PCDHGB2: variants seen among roughly 807,000 people sequenced by gnomAD.
PCDHGB2 encodes the protein protocadherin gamma-B2.
PCDHGB2 carries 55 observed loss-of-function variants against 59.3 expected under a neutral mutation model. The ratio of observed to expected loss-of-function variants is 0.93; its 90% CI spans 0.75 to 1.16. The LOEUF is 1.16. Among genes scored for constraint, PCDHGB2 ranks in the 50% most tolerant of loss-of-function variants. The pLI, the probability that PCDHGB2 is intolerant of heterozygous loss-of-function variation, is 0.00. For synonymous variants in PCDHGB2, 516 were observed against 512.0 expected (o/e 1.01, Z -0.11); for missense variants, 1,228 against 1,198.5 (o/e 1.02, Z -0.36).
Position 141,505,420 on chromosome 5 carries a change from C to G in PCDHGB2, c.2508C>G (p.Thr836=), listed in dbSNP as rs1236398971. 6.2e-7 allele frequency: 1 copy of G among 1,614,102 alleles called. No individual in the cohort carries two copies. Among genetic ancestry groups the G allele is most frequent in the Non-Finnish European group, 8.5e-7 (1 of 1,180,034 alleles). ...SGSQNGDDTG[T]WPNNQFDTEM... is the part of the protein sequence containing the mutation. ...CCCAAAATGGCGATGACACCGGCACCTGGCCCAACAACCAGTTTGACACAG... is the reference window on the plus strand; with the variant it reads ...CCCAAAATGGCGATGACACCGGCACGTGGCCCAACAACCAGTTTGACACAG... The change falls in exon 3 of 4, where the codon ACC becomes ACG. Residue 836 remains threonine (T), a synonymous_variant. Coordinates refer to ENST00000522605, the MANE Select transcript of PCDHGB2 (RefSeq NM_018923.3).
Position 141,490,486 on chromosome 5 carries a change from G to A in PCDHGB2, c.2422-4321G>A, listed in dbSNP as rs1187388706. The A allele has an allele frequency of 1.2e-6, 2 of 1,614,090 alleles. No individual in the cohort carries two copies. On this transcript the variant is annotated intron_variant, in intron 1 of 3. Transcript: ENST00000522605. The surrounding 1 kb of genome is among the most constrained non-coding windows in gnomAD (Gnocchi z 5.4). ...AACCAGCCAGCCTTTGGACCGGGAG[G>A]CCACATCCCACTATATCATCGAGCT...
intron 1 of PCDHGB2, among the ~76,000 whole-genome samples, chr5:141,475,520 C>T (rs2099364531): frequency 6.6e-6 from 1 of 152,204 alleles, no homozygotes; most frequent in Non-Finnish European, 1.5e-5. Context: ...CACGGAAATG[C>T]TAAATGCCTC....
intron 1 of PCDHGB2, among the ~76,000 whole-genome samples, chr5:141,436,781 A>T (rs1041532929): frequency 6.6e-6 from 1 of 152,236 alleles, no homozygotes; most frequent in Non-Finnish European, 1.5e-5. Context: ...TGTGGATGGA[A>T]ATAAAACTGT....
Position 141,489,767 on chromosome 5 carries a change from G to T in PCDHGB2, c.2422-5040G>T, listed in dbSNP as rs2099691977. On this transcript the variant is annotated intron_variant, in intron 1 of 3. Transcript: ENST00000522605. This position sits in a 1 kb window ranked among gnomAD's most constrained non-coding sequence, Gnocchi z 4.5. ...AGCTTTTACACTCTAAGCCCCAACA[G>T]CCACTTCTCTCTGAATGTGAAGACC... The T allele has an allele frequency of 6.2e-7, 1 of 1,614,028 alleles. No homozygotes were observed. Among genetic ancestry groups the T allele is most frequent in the African/African-American group, 1.3e-5 (1 of 74,938 alleles).
intron 1 of PCDHGB2, chr5:141,420,154 T>C (rs2096470856): frequency 2.5e-6 from 4 of 1,613,948 alleles, no homozygotes; most frequent in Non-Finnish European, 2.5e-6. Flanking sequence ...ATCCAGAATT[T>C]AATTTTTTCA....
rs757065593 is a variant in PCDHGB2, at chr5:141,418,576, C to G, written c.2421+56020C>G. 1.5e-5 allele frequency: 25 copies of G among 1,614,012 alleles called. No homozygotes were observed. In the South Asian group the frequency reaches 2.7e-4, roughly 18 times the overall value. On this transcript the variant is annotated intron_variant, in intron 1 of 3. Transcript: ENST00000522605. ...TGGTAATAGATGCCAATGACAACCCCCCAGTGTTCAGCCAGGACGTGTACA... is the reference window on the plus strand; with the variant it reads ...TGGTAATAGATGCCAATGACAACCCGCCAGTGTTCAGCCAGGACGTGTACA...
chr5:141,400,645 G>A, intron 1 of PCDHGB2: 1 of 1,239,756 alleles, frequency 8.1e-7, no homozygotes, highest in Non-Finnish European at 1.2e-6. Context: ...TGCTCAGAAA[G>A]CTGTCCTACC....
intron 1 of PCDHGB2, among the ~76,000 whole-genome samples, chr5:141,488,613 A>C (rs1214413025): frequency 1.3e-5 from 2 of 152,158 alleles, no homozygotes; most frequent in Non-Finnish European, 2.9e-5. Flanking sequence ...GTTCTTACTA[A>C]TCTTTTCTCT....
chr5:141,371,307 G>A lies in PCDHGB2; in HGVS notation c.2421+8751G>A, dbSNP rs1365898739. 5 of 1,613,970 alleles carry A rather than the reference G, an allele frequency of 3.1e-6. No individual in the cohort carries two copies. In the Admixed American group the frequency reaches 6.7e-5, roughly 22 times the overall value. On this transcript the variant is annotated intron_variant, in intron 1 of 3. Coordinates refer to ENST00000522605, the MANE Select transcript of PCDHGB2 (RefSeq NM_018923.3). ...TAAAACGGGGGAACTCACCACTATTGGAGAACTGGACTTTGAAGAGAGAGA... is the reference window on the plus strand; with the variant it reads ...TAAAACGGGGGAACTCACCACTATTAGAGAACTGGACTTTGAAGAGAGAGA...
intron 1 of PCDHGB2, among the ~76,000 whole-genome samples, chr5:141,450,005 T>A (rs1439257597): frequency 1.0e-5 from 1 of 99,604 alleles, no homozygotes; most frequent in Non-Finnish European, 1.8e-5. Context: ...TTGCCATGTC[T>A]CTTTTTTTTT....
intron 1 of PCDHGB2, chr5:141,382,996 T>C (rs1296495835): frequency 6.2e-7 from 1 of 1,613,724 alleles, no homozygotes; most frequent in East Asian, 2.2e-5. Context: ...ACGTATTCTC[T>C]ACTCCGTGTC....
In PCDHGB2 at chr5:141,360,548, T is replaced by A. The variant is rs1354805978; in HGVS notation, c.413T>A (p.Ile138Asn). 3 of 1,613,974 alleles carry A rather than the reference T, an allele frequency of 1.9e-6. No homozygotes were observed. The highest frequency in any genetic ancestry group is 1.7e-6 in the Non-Finnish European group (2 of 1,179,886). Residue 138 changes from isoleucine to asparagine, a missense_variant, in exon 1 of 4, where the codon ATT (isoleucine) becomes AAT (asparagine). Physicochemically the swap from Ile to Asn is moderately radical, Grantham distance 149. Around this residue, in one of 3 missense-constraint regions of PCDHGB2, gnomAD observed 781 missense variants for 721.6 expected, o/e 1.08. Coordinates refer to ENST00000522605, the MANE Select transcript of PCDHGB2 (RefSeq NM_018923.3). ...ACCCCGCTATTCAAACAGACTAAGATTAATTTAAAAATTGGCGAATCCACT... is the reference window on the plus strand; with the variant it reads ...ACCCCGCTATTCAAACAGACTAAGAATAATTTAAAAATTGGCGAATCCACT... The part of the protein sequence containing the change: ...DNTPLFKQTK[I>N]NLKIGESTKP...
At chr5:141,484,660 T>G in intron 1 of PCDHGB2, among the ~76,000 whole-genome samples, 1 of 151,976 alleles carries the variant, frequency 6.6e-6, no homozygotes, top group Non-Finnish European at 1.5e-5. Flanking sequence ...ACTCTCCCTC[T>G]CAGTGGGCCG....
Position 141,403,252 on chromosome 5 carries a change from G to A in PCDHGB2, c.2421+40696G>A, listed in dbSNP as rs180687908. 8.6e-4 allele frequency: 1,389 copies of A among 1,613,900 alleles called. 2 individuals carry two copies. Among genetic ancestry groups the A allele is most frequent in the Non-Finnish European group, 1.1e-3 (1,338 of 1,179,904 alleles). On this transcript the variant is annotated intron_variant, in intron 1 of 3. Transcript: ENST00000522605. Reference sequence around the variant, plus strand: ...GGGAGGAGCTCTGTGCTCAGAGCCCGCGGTGTCTGGTGAACTTTAAAGTCC... The same window carrying A: ...GGGAGGAGCTCTGTGCTCAGAGCCCACGGTGTCTGGTGAACTTTAAAGTCC...
chr5:141,372,088 C>T (rs1768398605), intron 1 of PCDHGB2: 4 of 1,613,762 alleles, frequency 2.5e-6, no homozygotes, highest in Middle Eastern at 1.7e-4. Context: ...GTGCTGTACC[C>T]AGCTCTGGGG....
intron 1 of PCDHGB2, chr5:141,410,800 T>A: frequency 1.5e-6 from 1 of 678,550 alleles, no homozygotes; most frequent in Non-Finnish European, 2.2e-6. Context: ...TAAGTTGCTC[T>A]ATCTTTTTGT....
At chr5:141,495,123 T>C (rs2099759225) in intron 2 of PCDHGB2, among the ~76,000 whole-genome samples, 1 of 152,162 alleles carries the variant, frequency 6.6e-6, no homozygotes, top group African/African-American at 2.4e-5. Flanking sequence ...TCCTATCCCC[T>C]GAGGGCACTG....
At chr5:141,403,579 C>T in intron 1 of PCDHGB2, 2 of 1,613,926 alleles carry the variant, frequency 1.2e-6, no homozygotes, top group South Asian at 1.1e-5. Flanking sequence ...CTGCCCACCA[C>T]CTGGTCCTCA....
chr5:141,372,703 T>C (rs1379730424), intron 1 of PCDHGB2: 1 of 1,614,012 alleles, frequency 6.2e-7, no homozygotes, highest in Non-Finnish European at 8.5e-7. Context: ...TTTCTCAATA[T>C]AAAGGCTGAA....
Sources: allele counts gnomAD v4.1 joint callset (sites outside exome capture counted in the v4.1 genomes callset), GRCh38; gene constraint gnomAD v4.1.1; regional missense constraint gnomAD v4.1.1; non-coding constraint Gnocchi (gnomAD v3.1); transcripts MANE v1.5; gene names NCBI Gene and HGNC (gene_info 2026-07-23, HGNC 2026-07-21).